DLC1: variants seen among roughly 807,000 people sequenced by gnomAD.
DLC1 encodes the protein rho GTPase-activating protein 7.
In DLC1, 54 loss-of-function variants were observed where a neutral mutation model predicts 140.3. The ratio of observed to expected loss-of-function variants is 0.38; its 90% confidence interval spans 0.31 to 0.48. The LOEUF (loss-of-function observed/expected upper bound fraction) is 0.48, where lower values mean the gene tolerates loss of function less well. Ranked by LOEUF, DLC1 falls within the 20% of genes least tolerant of loss-of-function variation. DLC1 has a pLI of 0.96. For missense variants in DLC1, 2,536 were observed against 1,907.0 expected (o/e 1.33, Z -6.14); for synonymous variants, 986 against 728.1 (o/e 1.35, Z -5.70).
At chr8:13,373,085 AGCTCACTACAGCT>A (rs1307048913) in intron 4 of DLC1, among the ~76,000 whole-genome samples, 4 of 152,110 alleles carry the variant, frequency 2.6e-5, no homozygotes, top group Non-Finnish European at 4.4e-5. Flanking sequence ...GTGCGATCAC[AGCTCACTACAGCT>A]GCAAACTCCT....
chr8:13,101,353 A>C (rs1260697121), intron 8 of DLC1, among the ~76,000 whole-genome samples: 1 of 152,186 alleles, frequency 6.6e-6, no homozygotes, highest in African/African-American at 2.4e-5. Flanking sequence ...CATAGAGGAA[A>C]CCTCTGAGAT....
At chr8:13,149,531 C>T (rs928018304) in intron 5 of DLC1, among the ~76,000 whole-genome samples, 2 of 152,146 alleles carry the variant, frequency 1.3e-5, no homozygotes, top group African/African-American at 4.8e-5. Context: ...GTGTCTATTC[C>T]TCATCTCAGT....
chr8:13,423,779 C>G (rs1012144477), intron 2 of DLC1, among the ~76,000 whole-genome samples: 3 of 152,094 alleles, frequency 2.0e-5, no homozygotes, highest in African/African-American at 7.2e-5. Context: ...GATCCTGTCA[C>G]CATTAGTAAT....
intron 1 of DLC1, among the ~76,000 whole-genome samples, chr8:13,551,824 T>C (rs1803863710): frequency 6.8e-6 from 1 of 147,796 alleles, no homozygotes; most frequent in Admixed American, 6.8e-5. Flanking sequence ...CAGGTATATA[T>C]GTGTATGACA....
At chr8:13,584,046 AAG>A (rs1805215986) in intron 1 of DLC1, 1 of 152,480 alleles carries the variant, frequency 6.6e-6, no homozygotes, top group Non-Finnish European at 1.5e-5. Flanking sequence ...CACTGGTAGA[AAG>A]TGTCTGAGTG....
In DLC1 at chr8:13,578,815, A is replaced by C. The variant is rs989789154; in HGVS notation, c.-126+25722T>G. Among the ~76,000 whole-genome samples, 3 of 152,172 alleles carry C rather than the reference A, an allele frequency of 2.0e-5. No individual in the cohort carries two copies. In the South Asian group the frequency reaches 6.2e-4, roughly 32 times the overall value. On this transcript the variant is annotated intron_variant, in intron 1 of 1. Coordinates refer to the DLC1 transcript ENST00000631382. ...ACCCCCATGTGTTCAACAACCCAGAAGCCCTCCAAACCCTGTCCTTTAGGT... is the reference window on the plus strand; with the variant it reads ...ACCCCCATGTGTTCAACAACCCAGACGCCCTCCAAACCCTGTCCTTTAGGT...
At position 13,157,369 on chromosome 8, in the gene DLC1, G is replaced by A. The variant is rs57138361; in HGVS notation, c.1349-41712C>T. Among the ~76,000 whole-genome samples, 1,029 of 152,282 alleles carry A rather than the reference G, an allele frequency of 6.8e-3. 6 individuals carry two copies. The highest frequency in any genetic ancestry group is 0.024 in the African/African-American group (986 of 41,548). ...GCCTTGAAGGAGTTTGGGAACAGAC[G>A]AAAATTTACCACAGGGAAGAACATG... is the stretch of plus-strand genomic sequence containing the variant. On this transcript the variant is annotated intron_variant, in intron 5 of 17. Transcript: ENST00000276297.
chr8:13,161,936 A>G (rs1190752157), intron 5 of DLC1, among the ~76,000 whole-genome samples: 3 of 152,264 alleles, frequency 2.0e-5, no homozygotes, highest in East Asian at 3.8e-4. Flanking sequence ...TTATTAAAAT[A>G]TAGGTAGAGG....
At chr8:13,600,753 C>T (rs1176165542) in intron 1 of DLC1, among the ~76,000 whole-genome samples, 1 of 151,562 alleles carries the variant, frequency 6.6e-6, no homozygotes. Context: ...ATGGGATGTT[C>T]ATGAACCTTA....
chr8:13,285,411 A>T (rs1831504228), intron 5 of DLC1, among the ~76,000 whole-genome samples: 1 of 152,200 alleles, frequency 6.6e-6, no homozygotes, highest in African/African-American at 2.4e-5. Context: ...TGGAACATAG[A>T]CCACAGACCT....
Position 13,099,484 on chromosome 8 carries a change from G to A in DLC1, c.2853C>T (p.His951=), listed in dbSNP as rs142520789. ...TGGTTCGGTCGTTGTCCACATCCAG[G>A]TGTATCTGTTTTGGAGAGGACGGGC... The part of the protein sequence containing the change: ...SPCPSSPKQI[H]LDVDNDRTTP... Residue 951 remains histidine (H), a synonymous_variant, in exon 9 of 18, where the codon CAC becomes CAT. Coordinates refer to ENST00000276297, the MANE Select transcript of DLC1 (RefSeq NM_182643.3). 2.5e-6 allele frequency: 4 copies of A among 1,614,036 alleles called. No individual in the cohort carries two copies. The East Asian group carries it at 8.9e-5, about 36-fold the overall frequency.
intron 1 of DLC1, among the ~76,000 whole-genome samples, chr8:13,581,520 C>G (rs186604360): frequency 6.6e-6 from 1 of 152,148 alleles, no homozygotes; most frequent in Non-Finnish European, 1.5e-5. Context: ...AACAGCTAAC[C>G]CTGTATTTTC....
intron 1 of DLC1, among the ~76,000 whole-genome samples, chr8:13,529,324 A>T (rs1429323304): frequency 6.6e-6 from 1 of 152,326 alleles, no homozygotes; most frequent in Admixed American, 6.5e-5. Context: ...GATAATTTCT[A>T]TAATTAGACA....
At chr8:13,314,300 T>C (rs1832785506) in intron 4 of DLC1, among the ~76,000 whole-genome samples, 1 of 148,270 alleles carries the variant, frequency 6.7e-6, no homozygotes, top group East Asian at 2.0e-4. Context: ...ATATAATATG[T>C]ATATATATAA....
chr8:13,533,067 A>G (rs548298055), intron 1 of DLC1, among the ~76,000 whole-genome samples: 2 of 152,196 alleles, frequency 1.3e-5, no homozygotes, highest in Non-Finnish European at 2.9e-5. Context: ...ATTAGTTGAA[A>G]CGCTATGTGT....
intron 5 of DLC1, among the ~76,000 whole-genome samples, chr8:13,211,569 T>C (rs1018865038): frequency 1.3e-5 from 2 of 152,202 alleles, no homozygotes; most frequent in Non-Finnish European, 1.5e-5. Context: ...GAGCAATATC[T>C]TCTGTAGGGA....
chr8:13,495,758 C>G (rs1451969116), intron 2 of DLC1, among the ~76,000 whole-genome samples: 1 of 152,076 alleles, frequency 6.6e-6, no homozygotes, highest in African/African-American at 2.4e-5. Flanking sequence ...CGATGAATGC[C>G]TGCTAAGATT....
chr8:13,137,722 C>T (rs1262580976), intron 5 of DLC1, among the ~76,000 whole-genome samples: 2 of 151,770 alleles, frequency 1.3e-5, no homozygotes, highest in Admixed American at 1.3e-4. Flanking sequence ...CTCAGCCTCC[C>T]ACATAGCTGG....
At chr8:13,302,290 C>T (rs1431551459) in intron 5 of DLC1, among the ~76,000 whole-genome samples, 1 of 152,176 alleles carries the variant, frequency 6.6e-6, no homozygotes, top group Non-Finnish European at 1.5e-5. Context: ...AGAGGCCATG[C>T]CTTGTTCATA....
Sources: allele counts gnomAD v4.1 joint callset (sites outside exome capture counted in the v4.1 genomes callset), GRCh38; gene constraint gnomAD v4.1.1; transcripts MANE v1.5; gene names NCBI Gene and HGNC (gene_info 2026-07-23, HGNC 2026-07-21).